ADCY9: variants seen among roughly 807,000 people sequenced by gnomAD.
ADCY9 encodes the protein adenylate cyclase type 9.
ADCY9 carries 50 observed loss-of-function variants against 101.5 expected under a neutral mutation model. The observed-to-expected ratio is 0.49, with a 90% CI of 0.39 to 0.62. The LOEUF is 0.62. Ranked by LOEUF, ADCY9 falls within the 20% of genes least tolerant of loss-of-function variation. ADCY9 has a pLI of 0.00. For missense variants in ADCY9, 1,662 were observed against 1,800.4 expected, an observed-to-expected ratio of 0.92 and a Z score of 1.39; for synonymous variants, 905 against 769.3, an observed-to-expected ratio of 1.18 and a Z score of -2.92.
In ADCY9 at chr16:4,077,077, C is replaced by CAAAA. The variant is rs56303992; in HGVS notation, c.1693+36669_1693+36672dup. Among the ~76,000 whole-genome samples the CAAAA allele has an allele frequency of 4.4e-4, 61 of 139,118 alleles. 1 individual carries two copies. The highest frequency in any genetic ancestry group is 1.5e-3 in the African/African-American group (56 of 38,120). The allele number at this position is 139,118 out of a possible 152,430, so 91.3% of individuals were successfully genotyped here. On this transcript the variant is annotated intron_variant, in intron 2 of 10. Coordinates refer to ENST00000294016, the MANE Select transcript of ADCY9 (RefSeq NM_001116.4). ...GGGGGACAAGGTTGAGACTTCGTCT[C>CAAAA]AAAAAAAAAAAAAAAGAATCAGCCT...
intron 2 of ADCY9, among the ~76,000 whole-genome samples, chr16:4,108,491 A>T (rs775291978): frequency 2.8e-5 from 4 of 142,944 alleles, no homozygotes; most frequent in Non-Finnish European, 4.5e-5. Context: ...CTCCTGCCTC[A>T]GCTTCCCAAG....
Position 4,102,453 on chromosome 16 carries a change from T to G in ADCY9, c.1693+11297A>C, listed in dbSNP as rs143572530. Among the ~76,000 whole-genome samples, 277 of 152,304 alleles carry G rather than the reference T, an allele frequency of 1.8e-3. 1 individual carries two copies. The highest frequency in any genetic ancestry group is 6.3e-3 in the African/African-American group (260 of 41,562). ...TGTTTGTTTGTTTTTGAGATGGAGT[T>G]TCGCTCTTGTTGCCCAGGCTAGAGA... On this transcript the variant is annotated intron_variant, in intron 2 of 10. Transcript: ENST00000294016.
chr16:3,965,635 C>A lies in ADCY9; in HGVS notation c.*140G>T. ...ATGAACCCTGAATAACTGTGATCCA[C>A]ACAGAAGTTAGGGCTGAAATGACCA... On this transcript the variant is annotated 3_prime_UTR_variant, in exon 11 of 11. Coordinates refer to ENST00000294016, the MANE Select transcript of ADCY9 (RefSeq NM_001116.4). The A allele has an allele frequency of 2.7e-6, 2 of 739,436 alleles. No homozygotes were observed. Among genetic ancestry groups the A allele is most frequent in the Non-Finnish European group, 4.4e-6 (2 of 459,114 alleles). 45.8% of individuals were successfully genotyped at this position (739,436 alleles called of 1,614,324 possible). A position where few individuals can be genotyped will look rare whatever the true frequency, so the allele number is the denominator to read the frequency against.
chr16:4,010,198 C>G (rs536362308), intron 2 of ADCY9, among the ~76,000 whole-genome samples: 1 of 152,330 alleles, frequency 6.6e-6, no homozygotes, highest in African/African-American at 2.4e-5. Flanking sequence ...TGGGCTGCCT[C>G]TGAAACCCAG....
chr16:4,078,707 A>G (rs920416566), intron 2 of ADCY9, among the ~76,000 whole-genome samples: 2 of 152,232 alleles, frequency 1.3e-5, no homozygotes, highest in Admixed American at 1.3e-4. Flanking sequence ...TAAGACCAAC[A>G]TAAAGATTTT....
chr16:3,981,249 C>T (rs1337753942), intron 7 of ADCY9, among the ~76,000 whole-genome samples: 4 of 152,200 alleles, frequency 2.6e-5, no homozygotes, highest in Non-Finnish European at 2.9e-5. Flanking sequence ...CCCCAGCCCT[C>T]GGCAGTCTAC....
chr16:4,049,780 T>A (rs549709830), intron 2 of ADCY9, among the ~76,000 whole-genome samples: 57 of 152,222 alleles, frequency 3.7e-4, no homozygotes, highest in African/African-American at 9.9e-4. Context: ...TTTCTTAGCT[T>A]ATGTTGTATA....
Position 4,114,620 on chromosome 16 carries a change from C to T in ADCY9, c.823G>A (p.Gly275Arg), listed in dbSNP as rs1168785469. The T allele has an allele frequency of 1.2e-6, 2 of 1,613,672 alleles. No homozygotes were observed. Among genetic ancestry groups the T allele is most frequent in the Non-Finnish European group, 1.7e-6 (2 of 1,180,022 alleles). Residue 275 changes from glycine to arginine, a missense_variant, in exon 2 of 11, where the codon GGG becomes AGG. By Grantham distance (125) the Gly-to-Arg change is moderately radical. This residue lies in a region of ADCY9 where 422 missense variants were observed against 392.0 expected (regional missense o/e 1.08). Transcript: ENST00000294016. The surrounding 1 kb of genome is among the most constrained non-coding windows in gnomAD (Gnocchi z 4.3). ...DEACFPSPGA[G>R]ALHWELLSRG... ...CTCAGCAGCTCCCAGTGCAGGGCCCCGGCTCCGGGCGAGGGGAAGCAGGCT... is the reference window on the plus strand; with the variant it reads ...CTCAGCAGCTCCCAGTGCAGGGCCCTGGCTCCGGGCGAGGGGAAGCAGGCT...
intron 2 of ADCY9, among the ~76,000 whole-genome samples, chr16:4,044,586 G>A (rs746968851): frequency 3.0e-4 from 45 of 151,902 alleles, no homozygotes; most frequent in Admixed American, 9.8e-4. Flanking sequence ...GAGAAACCTC[G>A]GTTTAATATT....
At chr16:4,085,294 A>G (rs408781) in intron 2 of ADCY9, among the ~76,000 whole-genome samples, 137,268 of 152,030 alleles carry the variant, frequency 0.9, 62,138 homozygotes, top group East Asian at 0.99. Context: ...CCTGGGACGC[A>G]GAGATTGCCA....
chr16:3,976,923 G>A (rs963334393), intron 9 of ADCY9, among the ~76,000 whole-genome samples: 1 of 152,188 alleles, frequency 6.6e-6, no homozygotes, highest in African/African-American at 2.4e-5. Flanking sequence ...CTCCCAAAGT[G>A]CTGGGATTAC....
At chr16:3,995,126 A>G (rs2056276731) in intron 3 of ADCY9, among the ~76,000 whole-genome samples, 1 of 152,170 alleles carries the variant, frequency 6.6e-6, no homozygotes, top group East Asian at 1.9e-4. Context: ...AAGAGTGAAG[A>G]TATGTTGCTA....
intron 2 of ADCY9, among the ~76,000 whole-genome samples, chr16:4,014,600 A>C (rs1459276416): frequency 6.6e-6 from 1 of 151,606 alleles, no homozygotes; most frequent in Non-Finnish European, 1.5e-5. Flanking sequence ...GGTGTGTGCC[A>C]CCATGCCTGG....
rs1223018636 is a variant in ADCY9 at position 3,992,468 on chromosome 16, C to G, written c.1990-105G>C. The G allele has an allele frequency of 2.8e-6, 3 of 1,078,330 alleles. No individual in the cohort carries two copies. Among genetic ancestry groups the G allele is most frequent in the Non-Finnish European group, 4.0e-6 (3 of 746,246 alleles). 66.8% of individuals were successfully genotyped at this position (1,078,330 alleles called of 1,614,324 possible). On this transcript the variant is annotated intron_variant, in intron 4 of 10. Coordinates refer to ENST00000294016, the MANE Select transcript of ADCY9 (RefSeq NM_001116.4). This position sits in a 1 kb window ranked among gnomAD's most constrained non-coding sequence, Gnocchi z 4.2. ...ACCTCCGCTGCGGGGCGCTGCTGCACTGGGCGTGGGACTTTCTGACCTGCG... is the reference window on the plus strand; with the variant it reads ...ACCTCCGCTGCGGGGCGCTGCTGCAGTGGGCGTGGGACTTTCTGACCTGCG...
intron 2 of ADCY9, among the ~76,000 whole-genome samples, chr16:4,097,558 T>A (rs1346507445): frequency 3.5e-4 from 32 of 92,434 alleles, no homozygotes; most frequent in African/African-American, 1.6e-3. Flanking sequence ...TATATATTTT[T>A]TTTTTTTTTT....
intron 2 of ADCY9, among the ~76,000 whole-genome samples, chr16:4,055,546 A>C (rs2056731997): frequency 6.6e-6 from 1 of 151,540 alleles, no homozygotes; most frequent in Admixed American, 6.6e-5. Context: ...AAAGGAAAAA[A>C]AAAAAGGCCA....
At chr16:4,101,080 T>C (rs2057040121) in intron 2 of ADCY9, among the ~76,000 whole-genome samples, 1 of 152,216 alleles carries the variant, frequency 6.6e-6, no homozygotes, top group Non-Finnish European at 1.5e-5. Flanking sequence ...GCAGCAATTC[T>C]GTGAGATGGG....
At chr16:4,048,639 C>T (rs191302708) in intron 2 of ADCY9, among the ~76,000 whole-genome samples, 31 of 152,260 alleles carry the variant, frequency 2.0e-4, no homozygotes, top group African/African-American at 6.5e-4. Flanking sequence ...GAGAGGGAGG[C>T]CACAATGGCA....
At chr16:4,016,676 A>C (rs1402928605) in intron 2 of ADCY9, among the ~76,000 whole-genome samples, 1 of 152,206 alleles carries the variant, frequency 6.6e-6, no homozygotes, top group Non-Finnish European at 1.5e-5. Context: ...AAGGGAATAC[A>C]CTGAAAATGG....
Sources: allele counts gnomAD v4.1 joint callset (sites outside exome capture counted in the v4.1 genomes callset), GRCh38; gene constraint gnomAD v4.1.1; regional missense constraint gnomAD v4.1.1; non-coding constraint Gnocchi (gnomAD v3.1); transcripts MANE v1.5; gene names NCBI Gene and HGNC (gene_info 2026-07-23, HGNC 2026-07-21).